Variants in NKAIN2 observed in about 807,000 individuals in gnomAD.
The protein encoded by NKAIN2 is sodium/potassium-transporting ATPase subunit beta-1-interacting protein 2.
Under a neutral mutation model 32.6 loss-of-function variants are expected in NKAIN2, and 14 were observed. The ratio of observed to expected loss-of-function variants is 0.43; its 90% CI spans 0.28 to 0.67. NKAIN2 has a LOEUF of 0.67. NKAIN2 is among the 30% of genes least tolerant of loss of function. The pLI is 0.17. For missense variants in NKAIN2, 198 were observed against 258.3 expected (o/e 0.77, Z 1.60); for synonymous variants, 80 against 87.2 (o/e 0.92, Z 0.46).
At chr6:124,288,585 A>AATTT (rs1164107593) in intron 2 of NKAIN2, among the ~76,000 whole-genome samples, 1 of 152,188 alleles carries the variant, frequency 6.6e-6, no homozygotes, top group East Asian at 1.9e-4. Flanking sequence ...AGTAACAGTG[A>AATTT]ATTAGAATGG....
chr6:124,139,078 A>ATTTTTTTTTTTTT (rs1161013269), intron 1 of NKAIN2, among the ~76,000 whole-genome samples: 2 of 73,534 alleles, frequency 2.7e-5, no homozygotes, highest in African/African-American at 5.6e-5. Context: ...TTTAAATAAA[A>ATTTTTTTTTTTTT]ATTTTTTTTT....
At chr6:124,084,148 C>T (rs552484263) in intron 1 of NKAIN2, among the ~76,000 whole-genome samples, 1 of 151,920 alleles carries the variant, frequency 6.6e-6, no homozygotes, top group African/African-American at 2.4e-5. Flanking sequence ...AAATAAGGAA[C>T]AGATTGGAGT....
At chr6:124,365,981 A>G (rs1200433714) in intron 3 of NKAIN2, among the ~76,000 whole-genome samples, 1 of 152,066 alleles carries the variant, frequency 6.6e-6, no homozygotes, top group Non-Finnish European at 1.5e-5. Context: ...GTGAAATTGC[A>G]GAAATGCTTA....
intron 4 of NKAIN2, among the ~76,000 whole-genome samples, chr6:124,781,485 G>A (rs555189004): frequency 6.6e-6 from 1 of 152,222 alleles, no homozygotes; most frequent in South Asian, 2.1e-4. Flanking sequence ...CAGGATGTGA[G>A]GGGTTGGTTA....
Position 124,495,766 on chromosome 6 carries a change from T to A in NKAIN2, c.273+140419T>A, listed in dbSNP as rs183508964. 5.3e-5 allele frequency among the ~76,000 whole-genome samples: 8 copies of A among 152,288 alleles called. No individual in the cohort carries two copies. In the East Asian group the frequency reaches 1.2e-3, roughly 22 times the overall value. On this transcript the variant is annotated intron_variant, in intron 3 of 6. Transcript: ENST00000368417. ...CAGCTTGGACCTTCAAACCTGACTG[T>A]CAGCTTCAGCATTCCAGGATCCATC...
chr6:124,736,777 T>C (rs1776967464), intron 4 of NKAIN2, among the ~76,000 whole-genome samples: 1 of 151,904 alleles, frequency 6.6e-6, no homozygotes. Flanking sequence ...TTCTGCTCAT[T>C]TACAAGGTTC....
At chr6:124,257,594 T>C (rs2114830243) in intron 1 of NKAIN2, among the ~76,000 whole-genome samples, 1 of 152,206 alleles carries the variant, frequency 6.6e-6, no homozygotes, top group South Asian at 2.1e-4. Context: ...TAATGCAATT[T>C]ACATAAGACC....
intron 4 of NKAIN2, among the ~76,000 whole-genome samples, chr6:124,787,481 A>C (rs1779560675): frequency 6.6e-6 from 1 of 152,110 alleles, no homozygotes; most frequent in Admixed American, 6.6e-5. Context: ...TGCAAGGCTG[A>C]CTAGGGAGGG....
At chr6:124,005,923 AGGCCC>A (rs1780056669) in intron 1 of NKAIN2, among the ~76,000 whole-genome samples, 1 of 152,150 alleles carries the variant, frequency 6.6e-6, no homozygotes, top group African/African-American at 2.4e-5. Context: ...TTTTTGAGAC[AGGCCC>A]TTGTCATTTC....
intron 1 of NKAIN2, among the ~76,000 whole-genome samples, chr6:124,219,601 G>A (rs1159646134): frequency 2.0e-5 from 3 of 151,832 alleles, no homozygotes; most frequent in Non-Finnish European, 2.9e-5. Context: ...TACGAGTTAC[G>A]ATTCAAGAAT....
rs143078698 is a variant in NKAIN2, at chr6:124,206,594, C to T, written c.55-76411C>T. 1.5e-4 allele frequency among the ~76,000 whole-genome samples: 23 copies of T among 151,906 alleles called. No homozygotes were observed. In the East Asian group the frequency reaches 4.3e-3, roughly 28 times the overall value. On this transcript the variant is annotated intron_variant, in intron 1 of 6. Coordinates refer to ENST00000368417, the MANE Select transcript of NKAIN2 (RefSeq NM_001040214.3). ...TGTATTTTTGTTACTCCATTTTCCCCCTGAACTTGAATCATCATCCACAGT... is the reference window on the plus strand; with the variant it reads ...TGTATTTTTGTTACTCCATTTTCCCTCTGAACTTGAATCATCATCCACAGT...
intron 3 of NKAIN2, among the ~76,000 whole-genome samples, chr6:124,437,144 T>C (rs2114583000): frequency 6.6e-6 from 1 of 152,330 alleles, no homozygotes; most frequent in East Asian, 1.9e-4. Context: ...TCAGTCCAGG[T>C]GGCTCTGCTG....
intron 3 of NKAIN2, among the ~76,000 whole-genome samples, chr6:124,596,108 A>G (rs542843079): frequency 1.3e-5 from 2 of 152,334 alleles, no homozygotes; most frequent in African/African-American, 4.8e-5. Context: ...CAGGTTGTCT[A>G]TAAGAAGGAA....
At chr6:124,717,908 A>C (rs957963371) in intron 4 of NKAIN2, among the ~76,000 whole-genome samples, 19 of 152,302 alleles carry the variant, frequency 1.2e-4, no homozygotes, top group African/African-American at 3.8e-4. Flanking sequence ...AATAGTTGCT[A>C]TTCTGGAGGA....
chr6:124,726,014 G>A (rs1167475960), intron 4 of NKAIN2, among the ~76,000 whole-genome samples: 1 of 152,164 alleles, frequency 6.6e-6, no homozygotes, highest in Admixed American at 6.5e-5. Flanking sequence ...TTAAAAAACG[G>A]CACACCACCA....
intron 1 of NKAIN2, among the ~76,000 whole-genome samples, chr6:123,963,440 C>T (rs1777941146): frequency 6.6e-6 from 1 of 152,090 alleles, no homozygotes; most frequent in South Asian, 2.1e-4. Context: ...AGCAATTGTC[C>T]AGAGAGTTGA....
At chr6:124,312,716 A>G (rs2115003933) in intron 2 of NKAIN2, among the ~76,000 whole-genome samples, 1 of 152,258 alleles carries the variant, frequency 6.6e-6, no homozygotes, top group South Asian at 2.1e-4. Context: ...GAAGCAATGA[A>G]CAATTATGCA....
intron 1 of NKAIN2, among the ~76,000 whole-genome samples, chr6:124,066,136 A>AGGAGAGACCT (rs1222699639): frequency 6.9e-4 from 105 of 152,154 alleles, no homozygotes; most frequent in African/African-American, 2.4e-3. Context: ...AAATATATCC[A>AGGAGAGACCT]GGAGAGACCT....
At chr6:124,315,760 C>A (rs1796923518) in intron 2 of NKAIN2, among the ~76,000 whole-genome samples, 1 of 152,024 alleles carries the variant, frequency 6.6e-6, no homozygotes, top group Non-Finnish European at 1.5e-5. Flanking sequence ...AGAGTAATGT[C>A]TAATCCTTTT....
Sources: gnomAD v4.1 joint callset for allele counts (sites outside exome capture counted in the v4.1 genomes callset) on GRCh38, gnomAD v4.1.1 for gene constraint, MANE v1.5 for transcripts, NCBI Gene and HGNC (gene_info 2026-07-23, HGNC 2026-07-21) for gene names.